The following ZNF70 variants were observed in gnomAD, a reference collection of about 807,000 sequenced individuals.
The protein encoded by ZNF70 is zinc finger protein N27C7-1.
ZNF70 carries 18 observed loss-of-function variants against 37.7 expected under a neutral mutation model. The observed-to-expected ratio is 0.48, with a 90% CI of 0.33 to 0.71. The LOEUF (loss-of-function observed/expected upper bound fraction) is 0.71. Among genes scored for constraint, ZNF70 ranks in the 30% least tolerant of loss-of-function variants. The pLI is 0.02. For synonymous variants in ZNF70, 219 were observed against 220.1 expected, an observed-to-expected ratio of 0.99 and a Z score of 0.05; for missense variants, 506 against 568.6, an observed-to-expected ratio of 0.89 and a Z score of 1.12.
At position 23,741,555 on chromosome 22, in the gene ZNF70, G is replaced by A. The variant is rs1348172289; in HGVS notation, c.*2245C>T. 1 of 152,192 alleles carries A rather than the reference G, an allele frequency of 6.6e-6. No individual in the cohort carries two copies. Among genetic ancestry groups the A allele is most frequent in the Admixed American group, 6.5e-5 (1 of 15,284 alleles). The allele number at this position is 152,192 out of a possible 1,614,324, so 9.4% of individuals were successfully genotyped here. A position where few individuals can be genotyped will look rare whatever the true frequency, so the allele number is the denominator to read the frequency against. On this transcript the variant is annotated 3_prime_UTR_variant, in exon 2 of 2. Transcript: ENST00000341976. ...TCATATCTGTCATTTGGAAATCTCT[G>A]GCCTATCAAGACCCACTTAGTAACA... is the stretch of plus-strand genomic sequence containing the variant.
chr22:23,744,901 G>A lies in ZNF70; in HGVS notation c.240C>T (p.Pro80=), dbSNP rs1487453822. Residue 80 remains proline (P), a synonymous_variant, in exon 2 of 2, where the codon CCC becomes CCT. Transcript: ENST00000341976. ...CATCATCCTGGGGTCTGGTTCCTGG[G>A]GGGATACTTTGATGCTGAACAGGGC... is the stretch of plus-strand genomic sequence containing the variant. The part of the protein sequence containing the change: ...CSSPVQHQSI[P]PGTRPQDDEL... The A allele has an allele frequency of 6.2e-7, 1 of 1,614,086 alleles. No homozygotes were observed. The highest frequency in any genetic ancestry group is 1.7e-5 in the Admixed American group (1 of 59,998).
chr22:23,747,542 A>T (rs915370570), intron 1 of ZNF70, among the ~76,000 whole-genome samples: 1 of 152,124 alleles, frequency 6.6e-6, no homozygotes, highest in African/African-American at 2.4e-5. Context: ...AATAAATAAA[A>T]CAGACAAGTC....
Position 23,743,992 on chromosome 22 carries a change from C to T in ZNF70, c.1149G>A (p.Gln383=), listed in dbSNP as rs1422022737. 1.2e-5 allele frequency: 20 copies of T among 1,613,994 alleles called. No individual in the cohort carries two copies. Among genetic ancestry groups the T allele is most frequent in the Non-Finnish European group, 1.7e-5 (20 of 1,180,018 alleles). The change falls in exon 2 of 2, where the codon CAG becomes CAA. Residue 383 remains glutamine (Q), a synonymous_variant. Transcript: ENST00000341976. ...FCHSSALIQH[Q]RIHTGKKPYT... The stretch of plus-strand genomic sequence containing the variant: ...AGGGCTTCTTGCCGGTGTGGATTCT[C>T]TGGTGCTGGATCAGCGCAGAGCTGT...
Position 23,743,970 on chromosome 22 carries a change from G to T in ZNF70, c.1171C>A (p.Pro391Thr). The T allele has an allele frequency of 6.2e-7, 1 of 1,614,186 alleles. No homozygotes were observed. The highest frequency in any genetic ancestry group is 2.2e-5 in the East Asian group (1 of 44,888). Residue 391 changes from proline (P) to threonine (T), a missense_variant, in exon 2 of 2, where the codon CCC becomes ACC. Physicochemically the swap from Pro to Thr is conservative, Grantham distance 38. Transcript: ENST00000341976. ...QHQRIHTGKKPYTCECGKAFR... is the reference protein window; with the variant it reads ...QHQRIHTGKKTYTCECGKAFR... ...GCTTTGCCACACTCGCAGGTGTAGG[G>T]CTTCTTGCCGGTGTGGATTCTCTGG...
At position 23,745,057 on chromosome 22, in the gene ZNF70, C is replaced by T. The variant is rs780682836; in HGVS notation, c.84G>A (p.Gly28=). The change falls in exon 2 of 2, where the codon GGG becomes GGA. Residue 28 remains glycine (G), a synonymous_variant. Transcript: ENST00000341976. The part of the protein sequence containing the change: ...RLESQQGLFP[G]EDLGDPFLQE... ...GAAGAAAAGGGTCCCCCAGGTCCTC[C>T]CCTGGGAAAAGCCCTTGTTGTGACT... is the stretch of plus-strand genomic sequence containing the variant. The T allele has an allele frequency of 5.0e-6, 8 of 1,614,092 alleles. 1 individual carries two copies. Among genetic ancestry groups the T allele is most frequent in the Non-Finnish European group, 8.5e-7 (1 of 1,180,032 alleles).
chr22:23,746,280 C>G (rs1925121391), intron 1 of ZNF70, among the ~76,000 whole-genome samples: 1 of 137,766 alleles, frequency 7.3e-6, no homozygotes, highest in African/African-American at 2.7e-5. Flanking sequence ...GATCTTGGAT[C>G]ACTGCAACCT....
chr22:23,746,391 G>A (rs955800547), intron 1 of ZNF70, among the ~76,000 whole-genome samples: 1 of 151,698 alleles, frequency 6.6e-6, no homozygotes, highest in Non-Finnish European at 1.5e-5. Flanking sequence ...ATTTTTAGTA[G>A]AGACCGGGAT....
Position 23,744,431 on chromosome 22 carries a change from G to A in ZNF70, c.710C>T (p.Ser237Phe), listed in dbSNP as rs1419543432. The stretch of plus-strand genomic sequence containing the variant: ...AATTCTCTCGTGTTTTCTGAGGCTG[G>A]AGCTCCGGCTGAAATCTTTCCCGCA... ...RECGKDFSRSSSLRKHERIHT... is the reference protein window; with the variant it reads ...RECGKDFSRSFSLRKHERIHT... The change falls in exon 2 of 2, where the codon TCC becomes TTC. Residue 237 changes from serine to phenylalanine, a missense_variant. Coordinates refer to ENST00000341976, the MANE Select transcript of ZNF70 (RefSeq NM_021916.4). 9 of 1,614,002 alleles carry A rather than the reference G, an allele frequency of 5.6e-6. No homozygotes were observed. The highest frequency in any genetic ancestry group is 3.3e-5 in the South Asian group (3 of 91,080).
chr22:23,744,974 T>C lies in ZNF70; in HGVS notation c.167A>G (p.Gln56Arg). The C allele has an allele frequency of 6.2e-7, 1 of 1,614,212 alleles. No individual in the cohort carries two copies. The highest frequency in any genetic ancestry group is 8.5e-7 in the Non-Finnish European group (1 of 1,180,044). The change falls in exon 2 of 2, where the codon CAG (glutamine) becomes CGG (arginine). Residue 56 changes from glutamine to arginine, a missense_variant. Coordinates refer to ENST00000341976, the MANE Select transcript of ZNF70 (RefSeq NM_021916.4). ...CTCGTAATCATCATTTTCTTCGTCC[T>C]GCTCACCAAGAGGGATCTCCTTGTA... ...VIYKEIPLGE[Q>R]DEENDDYEGN...
At position 23,743,968 on chromosome 22, in the gene ZNF70, G is replaced by T; in HGVS notation, c.1173C>A (p.Pro391=). 6.2e-7 allele frequency: 1 copy of T among 1,614,218 alleles called. No homozygotes were observed. The highest frequency in any genetic ancestry group is 8.5e-7 in the Non-Finnish European group (1 of 1,180,016). Residue 391 remains proline (P), a synonymous_variant, in exon 2 of 2, where the codon CCC becomes CCA. Transcript: ENST00000341976. The part of the protein sequence containing the change: ...QHQRIHTGKK[P]YTCECGKAFR... ...AGGCTTTGCCACACTCGCAGGTGTA[G>T]GGCTTCTTGCCGGTGTGGATTCTCT...
chr22:23,748,693 C>T (rs1042721492), intron 1 of ZNF70, among the ~76,000 whole-genome samples: 9 of 151,666 alleles, frequency 5.9e-5, no homozygotes, highest in East Asian at 3.9e-4. Flanking sequence ...TACAGGCACC[C>T]GCCACCAGGC....
chr22:23,748,285 G>T (rs755484776), intron 1 of ZNF70, among the ~76,000 whole-genome samples: 2 of 152,006 alleles, frequency 1.3e-5, no homozygotes, highest in African/African-American at 4.8e-5. Context: ...TGTCACCCAG[G>T]CTGGAGTGCA....
At position 23,739,978 on chromosome 22, in the gene ZNF70, T is replaced by TA. The variant is rs1924825688; in HGVS notation, c.*3821dup. The stretch of plus-strand genomic sequence containing the variant: ...TAACAAAAAACACCACGTCAAAACT[T>TA]ACGGAGTGCAGACAAAGCTGTCACT... On this transcript the variant is annotated 3_prime_UTR_variant, in exon 2 of 2. Coordinates refer to ENST00000341976, the MANE Select transcript of ZNF70 (RefSeq NM_021916.4). 1 of 151,490 alleles carries TA rather than the reference T, an allele frequency of 6.6e-6. No individual in the cohort carries two copies. Among genetic ancestry groups the TA allele is most frequent in the South Asian group, 2.1e-4 (1 of 4,798 alleles). The allele number at this position is 151,490 out of a possible 1,614,324, so 9.4% of individuals were successfully genotyped here.
Position 23,740,100 on chromosome 22 carries a change from G to A in ZNF70, c.*3700C>T, listed in dbSNP as rs959424496. On this transcript the variant is annotated 3_prime_UTR_variant, in exon 2 of 2. Coordinates refer to ENST00000341976, the MANE Select transcript of ZNF70 (RefSeq NM_021916.4). ...CCGAGGCGGGCGGATCACGAGCTCA[G>A]GAGATAGATACCATCTTGGCTAACA... 6.6e-6 allele frequency: 1 copy of A among 151,562 alleles called. No individual in the cohort carries two copies. Among genetic ancestry groups the A allele is most frequent in the Non-Finnish European group, 1.5e-5 (1 of 67,868 alleles). 9.4% of individuals were successfully genotyped at this position (151,562 alleles called of 1,614,324 possible).
rs1245224861 is a variant in ZNF70, at chr22:23,743,611, C to A, written c.*189G>T. 2.7e-6 allele frequency: 2 copies of A among 748,394 alleles called. No homozygotes were observed. Among genetic ancestry groups the A allele is most frequent in the Admixed American group, 2.8e-5 (1 of 36,252 alleles). The allele number at this position is 748,394 out of a possible 1,614,324, so 46.4% of individuals were successfully genotyped here. A position where few individuals can be genotyped will look rare whatever the true frequency, so the allele number is the denominator to read the frequency against. On this transcript the variant is annotated 3_prime_UTR_variant, in exon 2 of 2. Coordinates refer to ENST00000341976, the MANE Select transcript of ZNF70 (RefSeq NM_021916.4). ...CCCACCTTCCCTTCCATGCAGAAAA[C>A]CTGCTGAGAGCTGGCGTGCTTGGCC... is the stretch of plus-strand genomic sequence containing the variant.
Position 23,742,789 on chromosome 22 carries a change from G to A in ZNF70, c.*1011C>T, listed in dbSNP as rs998524051. 1 of 152,254 alleles carries A rather than the reference G, an allele frequency of 6.6e-6. No homozygotes were observed. The highest frequency in any genetic ancestry group is 1.5e-5 in the Non-Finnish European group (1 of 68,092). The allele number at this position is 152,254 out of a possible 1,614,324, so 9.4% of individuals were successfully genotyped here. A position where few individuals can be genotyped will look rare whatever the true frequency, so the allele number is the denominator to read the frequency against. On this transcript the variant is annotated 3_prime_UTR_variant, in exon 2 of 2. Transcript: ENST00000341976. ...GTTCCCATTACCCCAACTCTTGGAT[G>A]GGGGAATGGAGCCTGGGGAAGTTAC...
rs5759985 is a variant in ZNF70, at chr22:23,743,920, A to T, written c.1221T>A (p.Ile407=). The part of the protein sequence containing the change: ...GKAFRHRSAL[I]EHYKTHTREK... Reference sequence around the variant, plus strand: ...CTCTGGTGTGGGTTTTATAGTGCTCAATGAGGGCTGACCGGTGCCGGAAGG... The same window carrying T: ...CTCTGGTGTGGGTTTTATAGTGCTCTATGAGGGCTGACCGGTGCCGGAAGG... Residue 407 remains isoleucine (I), a synonymous_variant, in exon 2 of 2, where the codon ATT becomes ATA. Coordinates refer to ENST00000341976, the MANE Select transcript of ZNF70 (RefSeq NM_021916.4). The T allele has an allele frequency of 6.2e-7, 1 of 1,613,840 alleles. No individual in the cohort carries two copies. Among genetic ancestry groups the T allele is most frequent in the African/African-American group, 1.3e-5 (1 of 74,856 alleles).
intron 1 of ZNF70, among the ~76,000 whole-genome samples, chr22:23,749,188 C>G (rs1212456146): frequency 6.6e-6 from 1 of 151,534 alleles, no homozygotes; most frequent in Non-Finnish European, 1.5e-5. Flanking sequence ...TGGTGAAACC[C>G]CGTCTCTACT....
chr22:23,743,720 G>A lies in ZNF70; in HGVS notation c.*80C>T. 1 of 1,520,878 alleles carries A rather than the reference G, an allele frequency of 6.6e-7. No homozygotes were observed. Among genetic ancestry groups the A allele is most frequent in the Non-Finnish European group, 8.8e-7 (1 of 1,134,210 alleles). The allele number at this position is 1,520,878 out of a possible 1,614,324, so 94.2% of individuals were successfully genotyped here. A position where few individuals can be genotyped will look rare whatever the true frequency, so the allele number is the denominator to read the frequency against. On this transcript the variant is annotated 3_prime_UTR_variant, in exon 2 of 2. Transcript: ENST00000341976. ...TTTCCATTCAGCATCAGGGAGGTAGGTGGGGTCTTGGAGACCACGCGACGT... is the reference window on the plus strand; with the variant it reads ...TTTCCATTCAGCATCAGGGAGGTAGATGGGGTCTTGGAGACCACGCGACGT...
Sources: gnomAD v4.1 joint callset for allele counts (sites outside exome capture counted in the v4.1 genomes callset) on GRCh38, gnomAD v4.1.1 for gene constraint, MANE v1.5 for transcripts, NCBI Gene and HGNC (gene_info 2026-07-23, HGNC 2026-07-21) for gene names.